SLC6A11: variants seen among roughly 807,000 people sequenced by gnomAD.
The protein encoded by SLC6A11 is solute carrier family 6 member 11, also known as sodium- and chloride-dependent GABA transporter 3.
A neutral mutation model predicts 74.8 loss-of-function variants in SLC6A11; 25 were observed. That is an observed-to-expected ratio of 0.33 (90% CI 0.24 to 0.47). The LOEUF is 0.47. Among genes scored for constraint, SLC6A11 ranks in the 20% least tolerant of loss-of-function variants. SLC6A11 has a pLI of 1.00. For synonymous variants in SLC6A11, 330 were observed against 330.2 expected (o/e 1.00, Z 0.01); for missense variants, 574 against 837.0 (o/e 0.69, Z 3.88).
At chr3:10,898,054 T>G (rs1299624091) in intron 6 of SLC6A11, among the ~76,000 whole-genome samples, 1 of 152,214 alleles carries the variant, frequency 6.6e-6, no homozygotes, top group East Asian at 1.9e-4. Flanking sequence ...AGCTCTACAT[T>G]GGCCCCTTTA....
chr3:10,856,808 C>A (rs1280298154), intron 5 of SLC6A11, among the ~76,000 whole-genome samples: 1 of 152,150 alleles, frequency 6.6e-6, no homozygotes, highest in Non-Finnish European at 1.5e-5. Context: ...AGGCAGGCCC[C>A]GGTCTGAATG....
chr3:10,924,097 G>A (rs987816476), intron 8 of SLC6A11, among the ~76,000 whole-genome samples: 6 of 152,132 alleles, frequency 3.9e-5, no homozygotes, highest in South Asian at 4.2e-4. Flanking sequence ...ACCAATAAAC[G>A]CAATGTGGAG....
Position 10,817,524 on chromosome 3 carries a change from A to G in SLC6A11, c.256+1003A>G, listed in dbSNP as rs541144657. Reference sequence around the variant, plus strand: ...TTATAAAACCTCCTTCGGTGGCACAATTTCTCGAAGGAAGAGCCTGTATCT... The same window carrying G: ...TTATAAAACCTCCTTCGGTGGCACAGTTTCTCGAAGGAAGAGCCTGTATCT... On this transcript the variant is annotated intron_variant, in intron 1 of 13. Coordinates refer to ENST00000254488, the MANE Select transcript of SLC6A11 (RefSeq NM_014229.3). Among the ~76,000 whole-genome samples, 58 of 152,182 alleles carry G rather than the reference A, an allele frequency of 3.8e-4. No individual in the cohort carries two copies. In the South Asian group the frequency reaches 0.01, roughly 27 times the overall value.
At chr3:10,894,058 G>A (rs894072696) in intron 6 of SLC6A11, among the ~76,000 whole-genome samples, 1 of 152,172 alleles carries the variant, frequency 6.6e-6, no homozygotes, top group Admixed American at 6.5e-5. Context: ...TTATCCAGGA[G>A]GGCGTGTTGT....
At chr3:10,909,761 C>T (rs1246390895) in intron 6 of SLC6A11, among the ~76,000 whole-genome samples, 1 of 152,188 alleles carries the variant, frequency 6.6e-6, no homozygotes, top group Non-Finnish European at 1.5e-5. Context: ...GGCTCACTGG[C>T]CTTACTAAGC....
chr3:10,924,185 G>T (rs76366299), intron 8 of SLC6A11, among the ~76,000 whole-genome samples: 2,580 of 152,258 alleles, frequency 0.017, 85 homozygotes, highest in East Asian at 0.16. Flanking sequence ...GCTCTGTGGC[G>T]TAATTAATGG....
chr3:10,914,860 T>A (rs1472948916), intron 7 of SLC6A11, among the ~76,000 whole-genome samples: 1 of 152,138 alleles, frequency 6.6e-6, no homozygotes, highest in Non-Finnish European at 1.5e-5. Context: ...ATCGGTGGCT[T>A]ACGGTCAGCA....
intron 11 of SLC6A11, chr3:10,933,823 A>G (rs934410022): frequency 2.7e-5 from 10 of 373,768 alleles, no homozygotes; most frequent in Non-Finnish European, 2.0e-5. Flanking sequence ...CCAGAAATTC[A>G]TCATTTCCTG....
At chr3:10,913,727 T>A (rs559860237) in intron 7 of SLC6A11, among the ~76,000 whole-genome samples, 1 of 152,298 alleles carries the variant, frequency 6.6e-6, no homozygotes, top group East Asian at 1.9e-4. Context: ...GGAGTCTCGC[T>A]CAGTCACCCA....
At chr3:10,873,691 T>C (rs1278379688) in intron 5 of SLC6A11, among the ~76,000 whole-genome samples, 9 of 100,020 alleles carry the variant, frequency 9.0e-5, no homozygotes, top group African/African-American at 1.1e-4. Context: ...TCCCGTCCCA[T>C]CCTATCCTAT....
At chr3:10,911,474 G>T (rs1375611090) in intron 6 of SLC6A11, among the ~76,000 whole-genome samples, 1 of 152,172 alleles carries the variant, frequency 6.6e-6, no homozygotes, top group African/African-American at 2.4e-5. Flanking sequence ...GCCTAGAGGG[G>T]GGGAGTCTGT....
In SLC6A11 at chr3:10,816,328, C is replaced by G; in HGVS notation, c.63C>G (p.Ser21=). 2 of 1,413,764 alleles carry G rather than the reference C, an allele frequency of 1.4e-6. No individual in the cohort carries two copies. Among genetic ancestry groups the G allele is most frequent in the Admixed American group, 3.4e-5 (1 of 29,028 alleles). The allele number at this position is 1,413,764 out of a possible 1,614,324, so 87.6% of individuals were successfully genotyped here. A position where few individuals can be genotyped will look rare whatever the true frequency, so the allele number is the denominator to read the frequency against. ...NGKAAEEARE[S]EAPGGGCSSG... is the part of the protein sequence containing the mutation. The stretch of plus-strand genomic sequence containing the variant: ...AGGCTGCTGAGGAGGCGCGGGAGTC[C>G]GAGGCGCCGGGTGGCGGCTGCAGCA... The change falls in exon 1 of 14, where the codon TCC becomes TCG. Residue 21 remains serine, a synonymous_variant. Coordinates refer to ENST00000254488, the MANE Select transcript of SLC6A11 (RefSeq NM_014229.3). The surrounding 1 kb of genome is among the most constrained non-coding windows in gnomAD (Gnocchi z 4.2).
chr3:10,866,252 C>T (rs1694761548), intron 5 of SLC6A11, among the ~76,000 whole-genome samples: 1 of 152,192 alleles, frequency 6.6e-6, no homozygotes. Context: ...AAGGACTTGA[C>T]CTGGAAGCTG....
At chr3:10,869,685 G>A (rs758190307) in intron 5 of SLC6A11, among the ~76,000 whole-genome samples, 2 of 152,354 alleles carry the variant, frequency 1.3e-5, no homozygotes, top group East Asian at 1.9e-4. Context: ...AGCGTTATCC[G>A]ACTCTAAGCC....
intron 6 of SLC6A11, among the ~76,000 whole-genome samples, chr3:10,887,679 C>G (rs917089441): frequency 6.6e-6 from 1 of 152,188 alleles, no homozygotes; most frequent in African/African-American, 2.4e-5. Context: ...CTCCTGACCT[C>G]AAGTGATCTG....
chr3:10,875,078 C>T lies in SLC6A11; in HGVS notation c.874C>T (p.Arg292Trp), dbSNP rs757531916. Reference protein sequence around the residue: ...IKFYLYPDLSRLSDPQVWVDA... With the variant: ...IKFYLYPDLSWLSDPQVWVDA... Reference sequence around the variant, plus strand: ...GTTCTACTTGTACCCTGACCTCTCCCGGCTCTCCGACCCCCAGGTAAGAGT... The same window carrying T: ...GTTCTACTTGTACCCTGACCTCTCCTGGCTCTCCGACCCCCAGGTAAGAGT... The change falls in exon 6 of 14, where the codon CGG becomes TGG. Residue 292 changes from arginine to tryptophan, a missense_variant. By Grantham distance (101) the Arg-to-Trp change is moderately radical. Around this residue, in one of 4 missense-constraint regions of SLC6A11, gnomAD observed 215 missense variants for 357.9 expected, o/e 0.60. Coordinates refer to ENST00000254488, the MANE Select transcript of SLC6A11 (RefSeq NM_014229.3). The T allele has an allele frequency of 1.9e-6, 3 of 1,609,910 alleles. No individual in the cohort carries two copies. The highest frequency in any genetic ancestry group is 1.1e-5 in the South Asian group (1 of 90,640).
At chr3:10,879,416 T>C (rs187199750) in intron 6 of SLC6A11, among the ~76,000 whole-genome samples, 332 of 152,300 alleles carry the variant, frequency 2.2e-3, no homozygotes, top group Admixed American at 8.2e-3. Context: ...TAATTCCAAC[T>C]GTCCCCATTT....
rs1695685710 is a variant in SLC6A11 at position 10,931,463 on chromosome 3, C to G, written c.1372-1688C>G. On this transcript the variant is annotated intron_variant, in intron 10 of 13. Coordinates refer to ENST00000254488, the MANE Select transcript of SLC6A11 (RefSeq NM_014229.3). ...TACTCCACAGAGAGGTGCCTCAGAC[C>G]TGCTCCTGACCCCCACAGACCTGAA... Among the ~76,000 whole-genome samples, 3 of 152,178 alleles carry G rather than the reference C, an allele frequency of 2.0e-5. No homozygotes were observed. The South Asian group carries it at 6.2e-4, about 31-fold the overall frequency.
intron 6 of SLC6A11, among the ~76,000 whole-genome samples, chr3:10,891,481 A>G (rs893912460): frequency 3.9e-5 from 6 of 152,226 alleles, no homozygotes; most frequent in Non-Finnish European, 8.8e-5. Context: ...TGGTGATTTC[A>G]TATTTCATAA....
Sources: gnomAD v4.1 joint callset for allele counts (sites outside exome capture counted in the v4.1 genomes callset) on GRCh38, gnomAD v4.1.1 for gene constraint, gnomAD v4.1.1 regional missense constraint, Gnocchi (gnomAD v3.1) non-coding constraint, MANE v1.5 for transcripts, NCBI Gene and HGNC (gene_info 2026-07-23, HGNC 2026-07-21) for gene names.